PCDH17: variants seen among roughly 807,000 people sequenced by gnomAD.
PCDH17 encodes protocadherin-17.
A neutral mutation model predicts 67.7 loss-of-function variants in PCDH17; 21 were observed. That is an observed-to-expected ratio of 0.31 (90% confidence interval 0.22 to 0.45). PCDH17 has a LOEUF of 0.45. PCDH17 is among the 20% of genes least tolerant of loss of function. The probability of loss-of-function intolerance (pLI) is 1.00; values close to 1 mark genes in which losing one functional copy is unlikely to be tolerated. For synonymous variants in PCDH17, 701 were observed against 656.7 expected (o/e 1.07, Z -1.03); for missense variants, 1,471 against 1,564.8 (o/e 0.94, Z 1.01).
Position 57,634,979 on chromosome 13 carries a change from G to C in PCDH17, c.2433G>C (p.Ser811=), listed in dbSNP as rs141956689. 1.2e-6 allele frequency: 2 copies of C among 1,613,828 alleles called. No individual in the cohort carries two copies. The highest frequency in any genetic ancestry group is 3.3e-5 in the Admixed American group (2 of 60,004). The change falls in exon 1 of 4, where the codon TCG becomes TCC. Residue 811 remains serine, a synonymous_variant. Coordinates refer to ENST00000377918, the MANE Select transcript of PCDH17 (RefSeq NM_001040429.3). This position sits in a 1 kb window ranked among gnomAD's most constrained non-coding sequence, Gnocchi z 7.8. ...GCCTGCCCCTCAGCTCGCCCCGGTC[G>C]GAGGTGATGTATCTCAAACCGGCCT... The part of the protein sequence containing the change: ...QTRLPLSSPR[S]EVMYLKPASN...
intron 1 of PCDH17, among the ~76,000 whole-genome samples, chr13:57,639,673 T>A (rs1240343472): frequency 6.6e-6 from 1 of 151,994 alleles, no homozygotes; most frequent in African/African-American, 2.4e-5. Flanking sequence ...AGGAGTAAGA[T>A]AATTTTTAAT....
chr13:57,645,324 T>C (rs1392084628), intron 1 of PCDH17, among the ~76,000 whole-genome samples: 1 of 151,692 alleles, frequency 6.6e-6, no homozygotes, highest in Non-Finnish European at 1.5e-5. Flanking sequence ...TTCTGACATG[T>C]AGTATACACT....
In PCDH17 at chr13:57,725,266, G is replaced by C. The variant is rs962313436; in HGVS notation, c.3452G>C (p.Gly1151Ala). 1 of 1,608,426 alleles carries C rather than the reference G, an allele frequency of 6.2e-7. No individual in the cohort carries two copies. The highest frequency in any genetic ancestry group is 8.5e-7 in the Non-Finnish European group (1 of 1,176,814). Residue 1151 changes from glycine (G) to alanine (A), a missense_variant, in exon 4 of 4, where the codon GGA becomes GCA. Around this residue, in one of 3 missense-constraint regions of PCDH17, gnomAD observed 297 missense variants for 298.6 expected, o/e 0.99. Transcript: ENST00000377918. ...GATAAGCTTTTGCAAGACTGCCGGG[G>C]AAACGACCCTGTGGCTGTGAGAAAG... ...EIDKLLQDCR[G>A]NDPVAVRK
chr13:57,692,685 T>A (rs1955570026), intron 3 of PCDH17, among the ~76,000 whole-genome samples: 1 of 151,162 alleles, frequency 6.6e-6, no homozygotes, highest in African/African-American at 2.4e-5. Context: ...TGAGTATTAT[T>A]TTTCTTTCAT....
intron 3 of PCDH17, among the ~76,000 whole-genome samples, chr13:57,720,951 T>C (rs1451099628): frequency 6.6e-6 from 1 of 152,180 alleles, no homozygotes; most frequent in Non-Finnish European, 1.5e-5. Flanking sequence ...TGATTCTTAA[T>C]ACTAAACAAG....
intron 3 of PCDH17, among the ~76,000 whole-genome samples, chr13:57,673,964 C>G (rs1377001016): frequency 1.3e-5 from 2 of 151,994 alleles, no homozygotes; most frequent in Non-Finnish European, 2.9e-5. Flanking sequence ...AAGTTTGCAA[C>G]TGCCCCCACA....
chr13:57,692,740 T>G lies in PCDH17; in HGVS notation c.2797+25907T>G, dbSNP rs985852095. Among the ~76,000 whole-genome samples, 3 of 151,144 alleles carry G rather than the reference T, an allele frequency of 2.0e-5. No individual in the cohort carries two copies. The Admixed American group carries it at 2.0e-4, about 10-fold the overall frequency. Reference sequence around the variant, plus strand: ...TAGTCACCCTTTCAAGCCTTCCCTTTCAAAGGGGAGAAGAAAAGCTTGGTT... The same window carrying G: ...TAGTCACCCTTTCAAGCCTTCCCTTGCAAAGGGGAGAAGAAAAGCTTGGTT... On this transcript the variant is annotated intron_variant, in intron 3 of 3. Coordinates refer to ENST00000377918, the MANE Select transcript of PCDH17 (RefSeq NM_001040429.3).
At chr13:57,700,894 T>C (rs1399776864) in intron 3 of PCDH17, among the ~76,000 whole-genome samples, 1 of 151,972 alleles carries the variant, frequency 6.6e-6, no homozygotes, top group Non-Finnish European at 1.5e-5. Flanking sequence ...CCAGGCCTGG[T>C]GATGTGTGCT....
intron 1 of PCDH17, among the ~76,000 whole-genome samples, chr13:57,653,606 T>G (rs187176791): frequency 2.0e-3 from 312 of 152,198 alleles, no homozygotes; most frequent in Middle Eastern, 0.01. Flanking sequence ...GAAGTGAGGT[T>G]AAAAGGAAAG....
chr13:57,690,854 T>C (rs1367835273), intron 3 of PCDH17, among the ~76,000 whole-genome samples: 1 of 151,514 alleles, frequency 6.6e-6, no homozygotes, highest in Non-Finnish European at 1.5e-5. Flanking sequence ...TGTTCACTAA[T>C]TGCATTACTC....
intron 3 of PCDH17, among the ~76,000 whole-genome samples, chr13:57,678,920 G>T (rs1035390352): frequency 1.3e-5 from 2 of 151,364 alleles, no homozygotes; most frequent in Non-Finnish European, 3.0e-5. Context: ...CCAGAATTAA[G>T]AATTTTTCTG....
chr13:57,702,654 A>G (rs1302953648), intron 3 of PCDH17, among the ~76,000 whole-genome samples: 2 of 152,156 alleles, frequency 1.3e-5, no homozygotes, highest in Admixed American at 6.5e-5. Flanking sequence ...GAGTCAAAGG[A>G]TAGTAGATAT....
chr13:57,664,902 A>G lies in PCDH17; in HGVS notation c.2566-1566A>G, dbSNP rs189309038. 1.6e-3 allele frequency among the ~76,000 whole-genome samples: 246 copies of G among 152,330 alleles called. 1 individual carries two copies. The highest frequency in any genetic ancestry group is 8.5e-4 in the Non-Finnish European group (58 of 68,032). ...TTACTAGAAAATCAAGTTATCCTTA[A>G]AAACTGATATTTTGTCATTATGGAA... On this transcript the variant is annotated intron_variant, in intron 1 of 3. Transcript: ENST00000377918.
Position 57,725,565 on chromosome 13 carries a change from G to A in PCDH17, c.*271G>A. 2.7e-6 allele frequency: 1 copy of A among 365,712 alleles called. No homozygotes were observed. Among genetic ancestry groups the A allele is most frequent in the Non-Finnish European group, 4.9e-6 (1 of 203,234 alleles). The allele number at this position is 365,712 out of a possible 1,614,324, so 22.7% of individuals were successfully genotyped here. A position where few individuals can be genotyped will look rare whatever the true frequency, so the allele number is the denominator to read the frequency against. On this transcript the variant is annotated 3_prime_UTR_variant, in exon 4 of 4. Transcript: ENST00000377918. ...AGAAAAAAAGAGAGAAGAAAAAGGA[G>A]AGATGAAAAAGGAGGATGAGGAGAA... is the stretch of plus-strand genomic sequence containing the variant.
intron 3 of PCDH17, among the ~76,000 whole-genome samples, chr13:57,702,396 A>G (rs1483556903): frequency 1.3e-5 from 2 of 151,976 alleles, no homozygotes; most frequent in Admixed American, 1.3e-4. Context: ...GCATACATGT[A>G]TTCACTTAGC....
At chr13:57,657,567 C>A (rs1017174849) in intron 1 of PCDH17, among the ~76,000 whole-genome samples, 1 of 152,150 alleles carries the variant, frequency 6.6e-6, no homozygotes, top group East Asian at 1.9e-4. Context: ...GAAGCAATGT[C>A]GGTACGAAAA....
intron 3 of PCDH17, among the ~76,000 whole-genome samples, chr13:57,671,553 GT>G (rs1955323231): frequency 6.6e-6 from 1 of 151,832 alleles, no homozygotes; most frequent in East Asian, 1.9e-4. Flanking sequence ...TAGAAGCCCT[GT>G]AAATTATTTT....
rs755433924 is a variant in PCDH17 at position 57,633,035 on chromosome 13, G to A, written c.489G>A (p.Glu163=). 17 of 1,612,696 alleles carry A rather than the reference G, an allele frequency of 1.1e-5. No individual in the cohort carries two copies. The highest frequency in any genetic ancestry group is 1.3e-5 in the African/African-American group (1 of 74,840). The change falls in exon 1 of 4, where the codon GAG becomes GAA. Residue 163 remains glutamate (E), a synonymous_variant. Transcript: ENST00000377918. The surrounding 1 kb of genome is among the most constrained non-coding windows in gnomAD (Gnocchi z 6.2). ...GCGCACATGACCCCGACGCCGGCGAGAATGGGCTCCGCACCTACCTGCTCA... is the reference window on the plus strand; with the variant it reads ...GCGCACATGACCCCGACGCCGGCGAAAATGGGCTCCGCACCTACCTGCTCA... ...LTSAHDPDAG[E]NGLRTYLLTR... is the part of the protein sequence containing the mutation.
chr13:57,656,785 G>A (rs1373365095), intron 1 of PCDH17, among the ~76,000 whole-genome samples: 2 of 152,080 alleles, frequency 1.3e-5, no homozygotes, highest in Non-Finnish European at 2.9e-5. Flanking sequence ...TTTTGAATAG[G>A]GCTGAGATGA....
Sources: gnomAD v4.1 joint callset for allele counts (sites outside exome capture counted in the v4.1 genomes callset) on GRCh38, gnomAD v4.1.1 for gene constraint, gnomAD v4.1.1 regional missense constraint, Gnocchi (gnomAD v3.1) non-coding constraint, MANE v1.5 for transcripts, NCBI Gene and HGNC (gene_info 2026-07-23, HGNC 2026-07-21) for gene names.